NMS: variants seen among roughly 807,000 people sequenced by gnomAD.
NMS encodes neuromedin-S.
NMS carries 30 observed loss-of-function variants against 32.2 expected under a neutral mutation model. That is an observed-to-expected ratio of 0.93 (90% CI 0.70 to 1.26). NMS has a LOEUF of 1.26. Among genes scored for constraint, NMS ranks in the 50% most tolerant of loss-of-function variants. The probability of loss-of-function intolerance (pLI) is 0.00; values close to 1 mark genes in which losing one functional copy is unlikely to be tolerated. For synonymous variants in NMS, 76 were observed against 58.5 expected (o/e 1.30, Z -1.37); for missense variants, 190 against 186.3 (o/e 1.02, Z -0.12).
intron 5 of NMS, 31 bp from the exon 6 acceptor site, chr2:100,479,322 G>C (rs759315263): frequency 1.9e-6 from 3 of 1,575,358 alleles, no homozygotes; most frequent in Admixed American, 1.7e-5. Context: ...ATGTCCCCCT[G>C]TCTGACCCTC....
In NMS at chr2:100,479,487, A is replaced by G. The variant is rs190416872; in HGVS notation, c.336+60A>G. 2.1e-6 allele frequency: 3 copies of G among 1,413,822 alleles called. No individual in the cohort carries two copies. In the African/African-American group the frequency reaches 4.3e-5, roughly 20 times the overall value. 87.6% of individuals were successfully genotyped at this position (1,413,822 alleles called of 1,614,324 possible). Reference sequence around the variant, plus strand: ...CCCTCACAGTTCATTGAATCGTGGTAAAAGCATGCTGTCACCTTGGGGCTT... The same window carrying G: ...CCCTCACAGTTCATTGAATCGTGGTGAAAGCATGCTGTCACCTTGGGGCTT... On this transcript the variant is annotated intron_variant, in intron 6 of 9. Coordinates refer to ENST00000376865, the MANE Select transcript of NMS (RefSeq NM_001011717.1).
chr2:100,482,281 G>C lies in NMS; in HGVS notation c.419G>C (p.Arg140Thr), dbSNP rs780801366. The change falls in exon 9 of 10, where the codon AGG becomes ACG. Residue 140 changes from arginine to threonine, a missense_variant. Arg to Thr is a moderately conservative substitution (Grantham distance 71). Coordinates refer to ENST00000376865, the MANE Select transcript of NMS (RefSeq NM_001011717.1). The stretch of plus-strand genomic sequence containing the variant: ...AGTTGCTCCTTTTTTTTTCAGCCCA[G>C]GAATGGAAGAAACATTGAAGATGAG... Reference protein sequence around the residue: ...WGRPFFLFRPRNGRNIEDEAQ... With the variant: ...WGRPFFLFRPTNGRNIEDEAQ... The C allele has an allele frequency of 6.8e-6, 11 of 1,613,532 alleles. No individual in the cohort carries two copies. The highest frequency in any genetic ancestry group is 1.1e-5 in the South Asian group (1 of 91,038).
chr2:100,470,834 G>A (rs569955795), intron 1 of NMS, among the ~76,000 whole-genome samples: 93 of 152,352 alleles, frequency 6.1e-4, no homozygotes, highest in African/African-American at 1.8e-3. Context: ...CGCTAAAACT[G>A]AAGGGAAAGG....
chr2:100,473,455 C>T (rs766537525), intron 2 of NMS, 34 bp from the exon 3 acceptor site: 3 of 1,359,930 alleles, frequency 2.2e-6, no homozygotes, highest in Admixed American at 4.2e-5. Flanking sequence ...TCCCCCTCAT[C>T]CCTTTGATTT....
At chr2:100,473,689 T>C (rs1677049616) in intron 3 of NMS, 150 bp downstream of exon 3, 3 of 251,946 alleles carry the variant, frequency 1.2e-5, no homozygotes, top group African/African-American at 2.3e-5. Flanking sequence ...GCAAATATCT[T>C]AAATATAAAT....
chr2:100,477,187 T>C (rs1327366247), intron 3 of NMS, 57 bp from the exon 4 acceptor site: 6 of 1,461,996 alleles, frequency 4.1e-6, no homozygotes, highest in Non-Finnish European at 5.8e-6. Context: ...GAAAACGTTA[T>C]CCGTTACCTG....
chr2:100,479,276 C>T (rs944312411), intron 5 of NMS, 77 bp from the exon 6 acceptor site: 3 of 1,001,022 alleles, frequency 3.0e-6, no homozygotes, highest in Non-Finnish European at 4.3e-6. Context: ...GAAAGAAATG[C>T]GCATAGCCCT....
At chr2:100,482,231 A>C (rs764900844) in intron 8 of NMS, 46 bp from the exon 9 acceptor site, 7 of 1,585,800 alleles carry the variant, frequency 4.4e-6, no homozygotes, top group Non-Finnish European at 4.3e-6. Flanking sequence ...TACAGGCTGC[A>C]GAAAGTTGTG....
intron 8 of NMS, 71 bp downstream of exon 8, chr2:100,481,238 G>A: frequency 2.1e-6 from 3 of 1,407,768 alleles, no homozygotes; most frequent in South Asian, 2.3e-5. Context: ...TGGAGTGACT[G>A]CAAACAGCAG....
intron 5 of NMS, among the ~76,000 whole-genome samples, chr2:100,477,871 A>G (rs1301459405): frequency 6.6e-6 from 1 of 152,026 alleles, no homozygotes; most frequent in African/African-American, 2.4e-5. Flanking sequence ...TCACCTCTTA[A>G]TTTCTTCCTA....
At chr2:100,474,560 T>C (rs1677070551) in intron 3 of NMS, among the ~76,000 whole-genome samples, 1 of 152,244 alleles carries the variant, frequency 6.6e-6, no homozygotes, top group Admixed American at 6.5e-5. Context: ...TCTTAGTTGC[T>C]CTGTGCCTCA....
chr2:100,479,565 C>CAGAA (rs1445068642), intron 6 of NMS, 138 bp downstream of exon 6: 2 of 740,040 alleles, frequency 2.7e-6, no homozygotes, highest in African/African-American at 3.6e-5. Flanking sequence ...GAGCACTGAG[C>CAGAA]AGAACTGCTG....
intron 3 of NMS, among the ~76,000 whole-genome samples, chr2:100,474,787 G>A (rs940511808): frequency 6.6e-6 from 1 of 152,128 alleles, no homozygotes; most frequent in South Asian, 2.1e-4. Flanking sequence ...AATACATCAG[G>A]CCCATTTCTT....
intron 2 of NMS, 79 bp from the exon 3 acceptor site, chr2:100,473,410 G>T (rs1272863195): frequency 3.0e-6 from 2 of 675,266 alleles, no homozygotes; most frequent in Admixed American, 6.0e-5. Context: ...CTATCTAATT[G>T]TATTTGATTA....
chr2:100,476,199 A>C (rs1401529907), intron 3 of NMS, among the ~76,000 whole-genome samples: 1 of 152,202 alleles, frequency 6.6e-6, no homozygotes, highest in Non-Finnish European at 1.5e-5. Flanking sequence ...ATAAACACAC[A>C]CACACACTGT....
intron 1 of NMS, 46 bp downstream of exon 1, chr2:100,470,610 T>C: frequency 6.9e-7 from 1 of 1,456,428 alleles, no homozygotes; most frequent in Non-Finnish European, 9.6e-7. Flanking sequence ...ACTCTGAGGA[T>C]GTCTGAGACA....
intron 6 of NMS, among the ~76,000 whole-genome samples, chr2:100,479,643 G>A (rs751629944): frequency 3.9e-5 from 6 of 152,200 alleles, no homozygotes; most frequent in Admixed American, 6.5e-5. Flanking sequence ...AAGGGCCCGG[G>A]GAGAGACCCC....
intron 8 of NMS, among the ~76,000 whole-genome samples, chr2:100,481,704 G>A (rs1162698532): frequency 1.3e-5 from 2 of 152,190 alleles, no homozygotes; most frequent in Non-Finnish European, 2.9e-5. Flanking sequence ...AATCACTGGC[G>A]CTAAAAAGTA....
intron 5 of NMS, among the ~76,000 whole-genome samples, chr2:100,478,559 T>G (rs1677156715): frequency 6.6e-6 from 1 of 152,116 alleles, no homozygotes; most frequent in South Asian, 2.1e-4. Flanking sequence ...GCCTCCCGGC[T>G]TCAAGCCATG....
Sources: gnomAD v4.1 joint callset for allele counts (sites outside exome capture counted in the v4.1 genomes callset) on GRCh38, gnomAD v4.1.1 for gene constraint, MANE v1.5 for transcripts, NCBI Gene and HGNC (gene_info 2026-07-23, HGNC 2026-07-21) for gene names.